Variants in PLPP1 observed in about 807,000 individuals in gnomAD.
PLPP1 encodes lipid phosphate phosphohydrolase 1a.
Under a neutral mutation model 31.2 loss-of-function variants are expected in PLPP1, and 24 were observed. The observed-to-expected ratio is 0.77, with a 90% CI of 0.56 to 1.08. PLPP1 has a LOEUF of 1.08. Ranked by LOEUF, PLPP1 falls within the 50% of genes least tolerant of loss-of-function variation. PLPP1 has a pLI of 0.00. For synonymous variants in PLPP1, 146 were observed against 126.3 expected (o/e 1.16, Z -1.05); for missense variants, 319 against 342.7 (o/e 0.93, Z 0.55).
chr5:55,473,636 A>C (rs1247184362), intron 2 of PLPP1, among the ~76,000 whole-genome samples: 1 of 151,880 alleles, frequency 6.6e-6, no homozygotes, highest in African/African-American at 2.4e-5. Context: ...TATATTTTTT[A>C]ATTAAAAAAA....
intron 3 of PLPP1, among the ~76,000 whole-genome samples, chr5:55,449,641 T>A (rs6450309): frequency 1.3e-5 from 2 of 152,068 alleles, no homozygotes; most frequent in Non-Finnish European, 2.9e-5. Flanking sequence ...ACCGCATGTT[T>A]TGTTTCCAAT....
At chr5:55,491,161 C>A (rs1236728063) in intron 1 of PLPP1, 75 of 1,578,266 alleles carry the variant, frequency 4.8e-5, no homozygotes, top group Non-Finnish European at 6.3e-5. Context: ...ATTCAATTCA[C>A]TTCATTAGGA....
intron 3 of PLPP1, among the ~76,000 whole-genome samples, chr5:55,444,565 T>C (rs1313383925): frequency 1.3e-5 from 2 of 152,132 alleles, no homozygotes; most frequent in South Asian, 2.1e-4. Context: ...GTGAGCCAGC[T>C]TTCCAACCAA....
rs941105607 is a variant in PLPP1 at position 55,428,693 on chromosome 5, G to C, written c.550-2654C>G. On this transcript the variant is annotated intron_variant, in intron 4 of 5. Coordinates refer to ENST00000307259, the MANE Select transcript of PLPP1 (RefSeq NM_003711.4). ...TACTGTTCTATTAGAACTAGATACA[G>C]GGGACACAGCTCATGCTTCAGCGCC... Among the ~76,000 whole-genome samples, 4 of 152,202 alleles carry C rather than the reference G, an allele frequency of 2.6e-5. No homozygotes were observed. In the South Asian group the frequency reaches 8.3e-4, roughly 32 times the overall value.
At chr5:55,529,248 C>A (rs539556942) in intron 1 of PLPP1, among the ~76,000 whole-genome samples, 3 of 125,178 alleles carry the variant, frequency 2.4e-5, no homozygotes, top group Non-Finnish European at 5.0e-5. Context: ...TACACACATA[C>A]GTGTATATAT....
chr5:55,514,493 A>C (rs963655338), intron 1 of PLPP1, among the ~76,000 whole-genome samples: 1 of 152,256 alleles, frequency 6.6e-6, no homozygotes, highest in African/African-American at 2.4e-5. Flanking sequence ...TTAAATCTTA[A>C]AAGTATTTAT....
intron 1 of PLPP1, among the ~76,000 whole-genome samples, chr5:55,525,132 AGTTT>A (rs1753752965): frequency 6.6e-6 from 1 of 152,234 alleles, no homozygotes; most frequent in Non-Finnish European, 1.5e-5. Flanking sequence ...AACATTTTAA[AGTTT>A]GTGTTTTTGT....
At chr5:55,519,940 A>C (rs952504686) in intron 1 of PLPP1, among the ~76,000 whole-genome samples, 7 of 152,246 alleles carry the variant, frequency 4.6e-5, no homozygotes, top group Admixed American at 1.3e-4. Context: ...TAAATTATTC[A>C]TCAAAAGAAG....
intron 1 of PLPP1, among the ~76,000 whole-genome samples, chr5:55,525,909 T>C (rs2111948939): frequency 6.6e-6 from 1 of 152,208 alleles, no homozygotes; most frequent in Non-Finnish European, 1.5e-5. Flanking sequence ...AATCCTTAAT[T>C]AGCTGATTGT....
intron 2 of PLPP1, among the ~76,000 whole-genome samples, chr5:55,471,106 G>A (rs565121337): frequency 5.9e-5 from 9 of 151,898 alleles, no homozygotes; most frequent in East Asian, 5.8e-4. Flanking sequence ...ACACATCTCC[G>A]CATCTTCTTC....
rs1450668770 is a variant in PLPP1, at chr5:55,475,279, G to A, written c.210+20C>T. ...CAAGTGCCCAAAAGTTATAAACTTG[G>A]AAAAGTGGATTTAACTTACAACGAT... is the stretch of plus-strand genomic sequence containing the variant. On this transcript the variant is annotated intron_variant, in intron 2 of 5. Transcript: ENST00000307259. 37 of 1,590,926 alleles carry A rather than the reference G, an allele frequency of 2.3e-5. No homozygotes were observed. The highest frequency in any genetic ancestry group is 3.0e-5 in the Non-Finnish European group (35 of 1,169,222).
intron 4 of PLPP1, among the ~76,000 whole-genome samples, chr5:55,429,331 G>A (rs1751287458): frequency 6.6e-6 from 1 of 151,962 alleles, no homozygotes; most frequent in South Asian, 2.1e-4. Context: ...ATCACACTTT[G>A]AATAGATCAC....
chr5:55,463,710 G>A (rs1752219751), intron 3 of PLPP1, among the ~76,000 whole-genome samples: 1 of 151,568 alleles, frequency 6.6e-6, no homozygotes, highest in Non-Finnish European at 1.5e-5. Flanking sequence ...ACTTTGGAAG[G>A]CCGAGGCAAG....
chr5:55,506,263 TA>T lies in PLPP1; in HGVS notation c.58+28308del, dbSNP rs201809819. On this transcript the variant is annotated intron_variant, in intron 1 of 5. Coordinates refer to ENST00000307259, the MANE Select transcript of PLPP1 (RefSeq NM_003711.4). Reference sequence around the variant, plus strand: ...AGAAGACACAAATACAGCAAATTACTAAAAAAAAAAAAAAAAGGCACTAATT... The same window carrying T: ...AGAAGACACAAATACAGCAAATTACTAAAAAAAAAAAAAAAGGCACTAATT... Among the ~76,000 whole-genome samples, 1,027 of 128,512 alleles carry T rather than the reference TA, an allele frequency of 8.0e-3. 11 individuals carry two copies. Among genetic ancestry groups the T allele is most frequent in the African/African-American group, 0.027 (918 of 34,058 alleles). The allele number at this position is 128,512 out of a possible 152,430, so 84.3% of individuals were successfully genotyped here. A position where few individuals can be genotyped will look rare whatever the true frequency, so the allele number is the denominator to read the frequency against.
At chr5:55,515,038 A>G (rs1450305831) in intron 1 of PLPP1, among the ~76,000 whole-genome samples, 3 of 152,264 alleles carry the variant, frequency 2.0e-5, no homozygotes, top group Non-Finnish European at 2.9e-5. Flanking sequence ...TATTCGCTCC[A>G]TTATACAAAT....
chr5:55,490,263 GCCTCGGC>G (rs1301008376), intron 1 of PLPP1, among the ~76,000 whole-genome samples: 1 of 144,896 alleles, frequency 6.9e-6, no homozygotes, highest in Non-Finnish European at 1.5e-5. Flanking sequence ...CGATTCTCCT[GCCTCGGC>G]CTCCCGAGTA....
chr5:55,484,821 G>C (rs1426437445), intron 1 of PLPP1: 1 of 152,190 alleles, frequency 6.6e-6, no homozygotes, highest in African/African-American at 2.4e-5. Context: ...AGGGGAACTA[G>C]AGATCAAGTT....
At chr5:55,490,771 G>C (rs954799897) in intron 1 of PLPP1, among the ~76,000 whole-genome samples, 7 of 151,878 alleles carry the variant, frequency 4.6e-5, no homozygotes, top group African/African-American at 1.7e-4. Flanking sequence ...AGTTGTTCTG[G>C]GTAACATCCA....
intron 2 of PLPP1, among the ~76,000 whole-genome samples, chr5:55,472,763 AGAAGAG>A (rs1326665628): frequency 1.3e-5 from 2 of 148,650 alleles, no homozygotes; most frequent in African/African-American, 2.6e-5. Context: ...AAGAGGAAGA[AGAAGAG>A]GAAGAGGAAG....
Sources: gnomAD v4.1 joint callset for allele counts (sites outside exome capture counted in the v4.1 genomes callset) on GRCh38, gnomAD v4.1.1 for gene constraint, MANE v1.5 for transcripts, NCBI Gene and HGNC (gene_info 2026-07-23, HGNC 2026-07-21) for gene names.